The following PRKG1 variants were observed in gnomAD, a reference collection of about 807,000 sequenced individuals.
The protein encoded by PRKG1 is cGMP-dependent protein kinase 1.
In PRKG1, 35 loss-of-function variants were observed where a neutral mutation model predicts 88.1. The observed-to-expected ratio is 0.40, with a 90% CI of 0.30 to 0.53. PRKG1 has a LOEUF of 0.53. PRKG1 is among the 20% of genes least tolerant of loss of function. The pLI is 0.59. For missense variants in PRKG1, 540 were observed against 839.8 expected (o/e 0.64, Z 4.41); for synonymous variants, 303 against 292.5 (o/e 1.04, Z -0.37).
Position 51,173,774 on chromosome 10 carries a change from T to TA in PRKG1, c.478+20451dup, listed in dbSNP as rs1203631987. 2.0e-5 allele frequency among the ~76,000 whole-genome samples: 3 copies of TA among 151,854 alleles called. No individual in the cohort carries two copies. The East Asian group carries it at 5.8e-4, about 29-fold the overall frequency. On this transcript the variant is annotated intron_variant, in intron 2 of 17. Transcript: ENST00000373980. Reference sequence around the variant, plus strand: ...TAAAATTACTAGATTTAAAAGGAGCTAAAAAAATAATCAAATTTTTCTTGA... The same window carrying TA: ...TAAAATTACTAGATTTAAAAGGAGCTAAAAAAAATAATCAAATTTTTCTTGA...
chr10:51,343,083 A>G (rs532948172), intron 2 of PRKG1, among the ~76,000 whole-genome samples: 1 of 152,306 alleles, frequency 6.6e-6, no homozygotes, highest in African/African-American at 2.4e-5. Flanking sequence ...TGCTAGTTGG[A>G]TGTTTGCCCA....
At chr10:51,374,091 AAAAT>A (rs1842761027) in intron 2 of PRKG1, among the ~76,000 whole-genome samples, 1 of 64,742 alleles carries the variant, frequency 1.5e-5, no homozygotes, top group Non-Finnish European at 3.7e-5. Flanking sequence ...GCAAAAAAAA[AAAAT>A]ATATATATAT....
In PRKG1 at chr10:51,942,028, C is replaced by T. The variant is rs28883377; in HGVS notation, c.762+34458C>T. ...TCTGGATCCCTGAGGAATCGCCACA[C>T]GGACTTCCACAAGGGTTGAACTAGT... On this transcript the variant is annotated intron_variant, in intron 5 of 17. Coordinates refer to ENST00000373980, the MANE Select transcript of PRKG1 (RefSeq NM_006258.4). 3.8e-3 allele frequency among the ~76,000 whole-genome samples: 574 copies of T among 152,176 alleles called. 5 individuals are homozygous for T. The highest frequency in any genetic ancestry group is 4.3e-3 in the Non-Finnish European group (292 of 68,040).
At chr10:51,959,272 C>T (rs189395373) in intron 5 of PRKG1, among the ~76,000 whole-genome samples, 96 of 152,114 alleles carry the variant, frequency 6.3e-4, no homozygotes, top group African/African-American at 2.0e-3. Context: ...CATCATTTTA[C>T]GATAATTGGA....
At chr10:51,358,318 A>C (rs1032054079) in intron 2 of PRKG1, among the ~76,000 whole-genome samples, 1 of 151,858 alleles carries the variant, frequency 6.6e-6, no homozygotes. Flanking sequence ...TAGCCTCAAA[A>C]CTCACACACT....
chr10:51,721,879 T>C (rs1228332649), intron 3 of PRKG1, among the ~76,000 whole-genome samples: 2 of 152,198 alleles, frequency 1.3e-5, no homozygotes, highest in Non-Finnish European at 2.9e-5. Context: ...TCCATTTAGC[T>C]ATAAACATGC....
At chr10:51,272,552 T>C (rs1188625048) in intron 2 of PRKG1, among the ~76,000 whole-genome samples, 2 of 152,098 alleles carry the variant, frequency 1.3e-5, no homozygotes, top group East Asian at 1.9e-4. Context: ...TTCTCCACTT[T>C]AAGGTTATAA....
intron 10 of PRKG1, chr10:52,252,779 T>C (rs571702126): frequency 6.6e-5 from 10 of 151,774 alleles, no homozygotes; most frequent in South Asian, 6.3e-4. Context: ...ACTGTAGTAA[T>C]ATCACCTGTG....
At chr10:51,144,274 A>G (rs937725380) in intron 1 of PRKG1, among the ~76,000 whole-genome samples, 1 of 152,112 alleles carries the variant, frequency 6.6e-6, no homozygotes, top group African/African-American at 2.4e-5. Flanking sequence ...ATTTATTCAA[A>G]TTGTCAGTGA....
rs1217621794 is a variant in PRKG1 at position 52,195,755 on chromosome 10, TTTAA to T, written c.1076+33797_1076+33800del. Among the ~76,000 whole-genome samples the T allele has an allele frequency of 3.9e-5, 6 of 152,290 alleles. No homozygotes were observed. In the East Asian group the frequency reaches 1.2e-3, roughly 29 times the overall value. On this transcript the variant is annotated intron_variant, in intron 9 of 17. Coordinates refer to ENST00000373980, the MANE Select transcript of PRKG1 (RefSeq NM_006258.4). ...GTCCGAATGACAATCAGTTTTTAAT[TTTAA>T]TTAAATATTTTTATCAATTTTGAAT...
intron 3 of PRKG1, among the ~76,000 whole-genome samples, chr10:51,572,319 C>T (rs146348023): frequency 1.3e-5 from 2 of 151,842 alleles, no homozygotes; most frequent in East Asian, 3.9e-4. Context: ...CTTTAAGAAT[C>T]ACCTTACAGA....
At chr10:51,191,896 T>C (rs1191462910) in intron 2 of PRKG1, among the ~76,000 whole-genome samples, 2 of 151,748 alleles carry the variant, frequency 1.3e-5, no homozygotes, top group Non-Finnish European at 2.9e-5. Context: ...TGGATCTACT[T>C]TAATACAAAA....
chr10:51,609,915 A>G (rs749853566), intron 3 of PRKG1, among the ~76,000 whole-genome samples: 2 of 152,168 alleles, frequency 1.3e-5, no homozygotes, highest in Non-Finnish European at 2.9e-5. Flanking sequence ...CGATGGGTTG[A>G]TAGGTGCAGC....
chr10:51,067,698 G>GT (rs1397689783), intron 1 of PRKG1, among the ~76,000 whole-genome samples: 1 of 151,988 alleles, frequency 6.6e-6, no homozygotes, highest in Non-Finnish European at 1.5e-5. Context: ...AAATTTGTAT[G>GT]TAATACAGTG....
At chr10:51,301,402 A>G (rs1840881420) in intron 2 of PRKG1, among the ~76,000 whole-genome samples, 1 of 152,156 alleles carries the variant, frequency 6.6e-6, no homozygotes, top group Non-Finnish European at 1.5e-5. Flanking sequence ...CTTCTTTTAG[A>G]CCTGTTTAAT....
At chr10:52,028,597 C>T (rs553730931) in intron 5 of PRKG1, among the ~76,000 whole-genome samples, 3 of 152,264 alleles carry the variant, frequency 2.0e-5, no homozygotes, top group East Asian at 3.9e-4. Flanking sequence ...CTTTGGGCTG[C>T]TTGTAACCTC....
At chr10:51,430,116 A>G (rs10997507) in intron 2 of PRKG1, among the ~76,000 whole-genome samples, 40,264 of 146,544 alleles carry the variant, frequency 0.27, 5,684 homozygotes, top group African/African-American at 0.34. Context: ...GAATGGCTAC[A>G]ATTAAAAAAA....
intron 3 of PRKG1, among the ~76,000 whole-genome samples, chr10:51,632,757 A>G (rs1839558610): frequency 6.6e-6 from 1 of 151,968 alleles, no homozygotes; most frequent in South Asian, 2.1e-4. Context: ...TATGTAAGGA[A>G]CTCTGATTGG....
chr10:51,225,606 A>G (rs2132099353), intron 2 of PRKG1, among the ~76,000 whole-genome samples: 1 of 152,178 alleles, frequency 6.6e-6, no homozygotes, highest in African/African-American at 2.4e-5. Flanking sequence ...TAAAGTAGAA[A>G]ATTATGTTTT....
Sources: gnomAD v4.1 joint callset for allele counts (sites outside exome capture counted in the v4.1 genomes callset) on GRCh38, gnomAD v4.1.1 for gene constraint, MANE v1.5 for transcripts, NCBI Gene and HGNC (gene_info 2026-07-23, HGNC 2026-07-21) for gene names.